Variants in XRN1 observed in about 807,000 individuals in gnomAD.
The protein encoded by XRN1 is strand-exchange protein 1 homolog.
Under a neutral mutation model 222.3 loss-of-function variants are expected in XRN1, and 67 were observed. The observed-to-expected ratio is 0.30, with a 90% confidence interval of 0.25 to 0.37. The LOEUF is 0.37. Among genes scored for constraint, XRN1 ranks in the 10% least tolerant of loss-of-function variants. The probability of loss-of-function intolerance (pLI) is 1.00; values close to 1 mark genes in which losing one functional copy is unlikely to be tolerated. For synonymous variants in XRN1, 643 were observed against 652.4 expected, an observed-to-expected ratio of 0.99 and a Z score of 0.22; for missense variants, 1,707 against 2,000.2, an observed-to-expected ratio of 0.85 and a Z score of 2.80.
intron 28 of XRN1, 31 bp downstream of exon 28, chr3:142,365,279 A>T (rs1242748697): frequency 3.2e-6 from 5 of 1,584,518 alleles, no homozygotes; most frequent in Non-Finnish European, 4.3e-6. Context: ...AGTGAAAGCA[A>T]CAACTCTGAA....
intron 35 of XRN1, 179 bp downstream of exon 35, chr3:142,332,788 C>T: frequency 4.2e-6 from 4 of 958,130 alleles, no homozygotes; most frequent in Non-Finnish European, 5.9e-6. Context: ...GAACTGTGGT[C>T]TAAAGAGAAA....
In XRN1 at chr3:142,329,453, G is replaced by A; in HGVS notation, c.4385C>T (p.Ser1462Phe). Residue 1462 changes from serine (S) to phenylalanine (F), a missense_variant, in exon 37 of 41, where the codon TCC becomes TTC. Ser to Phe is a radical substitution (Grantham distance 155). Around this residue, in one of 2 missense-constraint regions of XRN1, gnomAD observed 473 missense variants for 482.0 expected, o/e 0.98. Transcript: ENST00000392981. ...SLVGMPQPDF[S>F]FLRMPQTMTV... ...CTATACCTGTGGCATCCTAAGAAAG[G>A]AGAAATCAGGTTGTGGCATTCCAAC... 1 of 1,579,286 alleles carries A rather than the reference G, an allele frequency of 6.3e-7. No homozygotes were observed. Among genetic ancestry groups the A allele is most frequent in the Non-Finnish European group, 8.6e-7 (1 of 1,168,024 alleles).
intron 20 of XRN1, among the ~76,000 whole-genome samples, chr3:142,387,450 C>T (rs1457265268): frequency 2.6e-5 from 4 of 152,062 alleles, no homozygotes; most frequent in South Asian, 2.1e-4. Flanking sequence ...AAGTAATATA[C>T]TTATGATTAA....
chr3:142,351,802 C>G (rs2066313327), intron 32 of XRN1, among the ~76,000 whole-genome samples: 2 of 151,662 alleles, frequency 1.3e-5, no homozygotes, highest in Admixed American at 1.3e-4. Flanking sequence ...CTGCAACTTT[C>G]TAGGACAGAT....
chr3:142,355,978 A>G (rs546268054), intron 31 of XRN1, among the ~76,000 whole-genome samples: 1 of 152,294 alleles, frequency 6.6e-6, no homozygotes, highest in South Asian at 2.1e-4. Context: ...TCAGCATAGT[A>G]ATCACAAAAG....
At chr3:142,323,398 T>C (rs1474016015) in intron 37 of XRN1, among the ~76,000 whole-genome samples, 1 of 151,958 alleles carries the variant, frequency 6.6e-6, no homozygotes, top group East Asian at 1.9e-4. Flanking sequence ...GCCAGGCTGG[T>C]CTCGAACTCC....
intron 1 of XRN1, among the ~76,000 whole-genome samples, chr3:142,438,766 C>A (rs921079389): frequency 2.0e-5 from 3 of 152,152 alleles, no homozygotes; most frequent in Non-Finnish European, 4.4e-5. Flanking sequence ...TACAGCTAGA[C>A]CTCTTCTGTA....
chr3:142,432,369 T>C (rs1334576509), intron 2 of XRN1, among the ~76,000 whole-genome samples: 10 of 150,234 alleles, frequency 6.7e-5, no homozygotes, highest in African/African-American at 2.5e-4. Flanking sequence ...TACAGTGAGC[T>C]AAGACTGTAC....
intron 27 of XRN1, among the ~76,000 whole-genome samples, chr3:142,369,802 T>C (rs369704157): frequency 6.6e-6 from 1 of 151,668 alleles, no homozygotes; most frequent in East Asian, 1.9e-4. Flanking sequence ...TCCCAGCACT[T>C]TGTGAGGCTG....
chr3:142,309,466 C>G lies in XRN1; in HGVS notation c.*2045G>C, dbSNP rs1358306176. 6.6e-6 allele frequency: 1 copy of G among 152,222 alleles called. No individual in the cohort carries two copies. The highest frequency in any genetic ancestry group is 1.5e-5 in the Non-Finnish European group (1 of 68,080). 9.4% of individuals were successfully genotyped at this position (152,222 alleles called of 1,614,324 possible). ...CTGGAACTCCGGACCTCAAGTGATC[C>G]GCCTGCCTTAGCCTCCCGAAGTGCT... On this transcript the variant is annotated 3_prime_UTR_variant, in exon 41 of 41. Transcript: ENST00000392981.
At chr3:142,328,506 T>C (rs770409259) in intron 37 of XRN1, among the ~76,000 whole-genome samples, 33 of 151,334 alleles carry the variant, frequency 2.2e-4, no homozygotes, top group Admixed American at 4.0e-4. Flanking sequence ...ATATACTTGA[T>C]TGAATTTTAA....
At chr3:142,348,915 C>T (rs181815776) in intron 32 of XRN1, among the ~76,000 whole-genome samples, 1 of 152,026 alleles carries the variant, frequency 6.6e-6, no homozygotes, top group Admixed American at 6.6e-5. Context: ...GCTGGGATTA[C>T]AGGCATGAGC....
intron 31 of XRN1, among the ~76,000 whole-genome samples, chr3:142,356,115 G>A (rs1284764305): frequency 1.3e-5 from 2 of 151,914 alleles, no homozygotes; most frequent in East Asian, 1.9e-4. Context: ...CCCACCAATA[G>A]GTTTTTTGTC....
At chr3:142,443,221 T>C (rs2070323597) in intron 1 of XRN1, among the ~76,000 whole-genome samples, 1 of 151,920 alleles carries the variant, frequency 6.6e-6, no homozygotes, top group Admixed American at 6.6e-5. Context: ...CCCGAGGAAA[T>C]CTCAACTGCA....
intron 23 of XRN1, among the ~76,000 whole-genome samples, chr3:142,378,579 T>C (rs1292525890): frequency 6.6e-6 from 1 of 151,982 alleles, no homozygotes; most frequent in Non-Finnish European, 1.5e-5. Flanking sequence ...TTTCCCAAAG[T>C]AGAACAGAAG....
chr3:142,394,659 A>T (rs1004506682), intron 20 of XRN1, among the ~76,000 whole-genome samples: 1 of 152,228 alleles, frequency 6.6e-6, no homozygotes, highest in Non-Finnish European at 1.5e-5. Context: ...CAGAGGAGCT[A>T]TCTCATATCC....
chr3:142,333,658 G>C (rs1161396423), intron 34 of XRN1, among the ~76,000 whole-genome samples: 1 of 152,098 alleles, frequency 6.6e-6, no homozygotes, highest in Non-Finnish European at 1.5e-5. Flanking sequence ...ATCATATTAG[G>C]AGGTGGGGCC....
intron 1 of XRN1, among the ~76,000 whole-genome samples, chr3:142,443,600 T>C (rs560367874): frequency 6.6e-6 from 1 of 152,346 alleles, no homozygotes; most frequent in African/African-American, 2.4e-5. Context: ...TCCCCTCCTT[T>C]TGTATGGGAG....
At chr3:142,399,661 C>G (rs2068053994) in intron 19 of XRN1, among the ~76,000 whole-genome samples, 1 of 150,964 alleles carries the variant, frequency 6.6e-6, no homozygotes. Flanking sequence ...AAGCAGATGC[C>G]AACAAAGGAA....
Sources: allele counts gnomAD v4.1 joint callset (sites outside exome capture counted in the v4.1 genomes callset), GRCh38; gene constraint gnomAD v4.1.1; regional missense constraint gnomAD v4.1.1; transcripts MANE v1.5; gene names NCBI Gene and HGNC (gene_info 2026-07-23, HGNC 2026-07-21).